The following LIN54 variants were observed in gnomAD, a reference collection of about 807,000 sequenced individuals.
LIN54 encodes the protein protein lin-54 homolog.
Under a neutral mutation model 78.7 loss-of-function variants are expected in LIN54, and 9 were observed. The ratio of observed to expected loss-of-function variants is 0.11; its 90% CI spans 0.07 to 0.20. The LOEUF is 0.20. Among genes scored for constraint, LIN54 ranks in the 10% least tolerant of loss-of-function variants. The pLI is 1.00. For missense variants in LIN54, 573 were observed against 889.9 expected, an observed-to-expected ratio of 0.64 and a Z score of 4.53; for synonymous variants, 269 against 318.4, an observed-to-expected ratio of 0.84 and a Z score of 1.65.
intron 1 of LIN54, among the ~76,000 whole-genome samples, chr4:82,990,519 G>A (rs1013617550): frequency 2.6e-5 from 4 of 151,184 alleles, no homozygotes; most frequent in African/African-American, 9.7e-5. Flanking sequence ...AGTCTCACTC[G>A]GTCGCCCAGG....
chr4:82,974,164 C>CCT (rs1725939284), intron 3 of LIN54, among the ~76,000 whole-genome samples: 1 of 151,128 alleles, frequency 6.6e-6, no homozygotes, highest in Admixed American at 6.6e-5. Flanking sequence ...GAGCCGAGAT[C>CCT]GCACCACTGC....
intron 4 of LIN54, among the ~76,000 whole-genome samples, chr4:82,948,175 T>C (rs1014431610): frequency 1.3e-5 from 2 of 152,124 alleles, no homozygotes; most frequent in African/African-American, 2.4e-5. Context: ...AAGACATAGA[T>C]AGTCCTTACT....
intron 9 of LIN54, 140 bp from the exon 10 acceptor site, chr4:82,936,521 TAA>T (rs1034721444): frequency 9.6e-6 from 5 of 522,558 alleles, no homozygotes; most frequent in African/African-American, 5.7e-5. Flanking sequence ...GCTACCCAGT[TAA>T]AGAGTTAACA....
chr4:82,993,618 GTTTC>G (rs1727935287), intron 1 of LIN54, among the ~76,000 whole-genome samples: 3 of 151,816 alleles, frequency 2.0e-5, no homozygotes, highest in South Asian at 2.1e-4. Flanking sequence ...TTTTTTGTTT[GTTTC>G]TTTGTTTGTT....
intron 4 of LIN54, among the ~76,000 whole-genome samples, chr4:82,953,763 A>C (rs1412005467): frequency 6.6e-6 from 1 of 152,202 alleles, no homozygotes; most frequent in African/African-American, 2.4e-5. Flanking sequence ...CAGCATGGGC[A>C]ACATGGCAAA....
intron 3 of LIN54, 146 bp downstream of exon 3, chr4:82,978,737 T>C: frequency 2.1e-6 from 1 of 475,558 alleles, no homozygotes; most frequent in Non-Finnish European, 3.6e-6. Context: ...GCATTTTGCT[T>C]GAAGCAAACA....
At chr4:82,975,985 G>A (rs1246313996) in intron 3 of LIN54, among the ~76,000 whole-genome samples, 2 of 152,178 alleles carry the variant, frequency 1.3e-5, no homozygotes, top group Non-Finnish European at 2.9e-5. Flanking sequence ...TAATCTAAGA[G>A]ATAAAATGGA....
intron 7 of LIN54, 122 bp from the exon 8 acceptor site, chr4:82,938,626 TCA>T: frequency 1.6e-6 from 1 of 624,332 alleles, no homozygotes; most frequent in Middle Eastern, 3.2e-4. Context: ...ATGGAGAATA[TCA>T]CACAAACACA....
chr4:83,001,662 GGT>G (rs1160253183), intron 1 of LIN54, among the ~76,000 whole-genome samples: 5 of 150,390 alleles, frequency 3.3e-5, no homozygotes, highest in Non-Finnish European at 7.4e-5. Flanking sequence ...TGGCAAACAT[GGT>G]GAAACCCCGT....
chr4:82,992,996 C>G (rs1057137380), intron 1 of LIN54, among the ~76,000 whole-genome samples: 2 of 149,872 alleles, frequency 1.3e-5, no homozygotes, highest in African/African-American at 4.9e-5. Flanking sequence ...CCACTGCACT[C>G]CAGCCTGGGT....
chr4:82,940,628 C>T lies in LIN54; in HGVS notation c.1169-666G>A, dbSNP rs779147733. 3.3e-5 allele frequency among the ~76,000 whole-genome samples: 5 copies of T among 152,212 alleles called. No individual in the cohort carries two copies. The South Asian group carries it at 8.3e-4, about 25-fold the overall frequency. ...GGCTGAACCCAATGTCTCGAACTCC[C>T]GACCTCAGGTGATCCACCCGCCTTG... On this transcript the variant is annotated intron_variant, in intron 5 of 12. Coordinates refer to ENST00000340417, the MANE Select transcript of LIN54 (RefSeq NM_194282.4).
chr4:82,991,431 T>C (rs946252429), intron 1 of LIN54, among the ~76,000 whole-genome samples: 1 of 152,090 alleles, frequency 6.6e-6, no homozygotes, highest in African/African-American at 2.4e-5. Flanking sequence ...AGCTTTTCAG[T>C]ATAGATGACT....
intron 4 of LIN54, among the ~76,000 whole-genome samples, chr4:82,959,470 A>G (rs2125170): frequency 1 from 151,773 of 152,240 alleles, 75,653 homozygotes; most frequent in Non-Finnish European, 1. Context: ...ACTCCAGCCT[A>G]GGTGACAAAG....
intron 1 of LIN54, among the ~76,000 whole-genome samples, chr4:82,997,843 A>T (rs1017042497): frequency 6.6e-6 from 1 of 151,546 alleles, no homozygotes; most frequent in Non-Finnish European, 1.5e-5. Flanking sequence ...AATACAAAAA[A>T]ATTAGCCGGG....
In LIN54 at chr4:82,939,747, G is replaced by A. The variant is rs1279357394; in HGVS notation, c.1243-11C>T. 2.5e-6 allele frequency: 4 copies of A among 1,613,854 alleles called. No homozygotes were observed. The Admixed American group carries it at 6.7e-5, about 27-fold the overall frequency. On this transcript the variant is annotated splice_polypyrimidine_tract_variant and intron_variant, in intron 6 of 12. Coordinates refer to ENST00000340417, the MANE Select transcript of LIN54 (RefSeq NM_194282.4). The stretch of plus-strand genomic sequence containing the variant: ...TGGTTTTGGAACAACCTAAAAAGAA[G>A]GGACATATATCAATGACCACAAAAT...
rs1395436336 is a variant in LIN54 at position 82,978,820 on chromosome 4, C to G, written c.808+63G>C. ...ACTAAAACATTTTAAGTTGGCAGAACAGCCTTTTTAAATCTAAAAGGAAGA... is the reference window on the plus strand; with the variant it reads ...ACTAAAACATTTTAAGTTGGCAGAAGAGCCTTTTTAAATCTAAAAGGAAGA... On this transcript the variant is annotated intron_variant, in intron 3 of 12. Coordinates refer to ENST00000340417, the MANE Select transcript of LIN54 (RefSeq NM_194282.4). The G allele has an allele frequency of 2.9e-6, 3 of 1,038,368 alleles. No homozygotes were observed. In the South Asian group the frequency reaches 5.9e-5, roughly 20 times the overall value. The allele number at this position is 1,038,368 out of a possible 1,614,324, so 64.3% of individuals were successfully genotyped here.
intron 2 of LIN54, among the ~76,000 whole-genome samples, 181 bp from the exon 3 acceptor site, chr4:82,979,187 T>G (rs990475043): frequency 2.0e-5 from 3 of 152,216 alleles, no homozygotes; most frequent in African/African-American, 7.2e-5. Context: ...TTAATATTAT[T>G]ATATCCTTAA....
chr4:82,956,989 T>C (rs1299401247), intron 4 of LIN54, among the ~76,000 whole-genome samples: 1 of 152,184 alleles, frequency 6.6e-6, no homozygotes, highest in African/African-American at 2.4e-5. Flanking sequence ...GATAAAAATT[T>C]GGGTAACACA....
At chr4:82,985,835 C>CCAGCCAGGGAACCCAAA (rs1727085160) in intron 1 of LIN54, among the ~76,000 whole-genome samples, 1 of 152,178 alleles carries the variant, frequency 6.6e-6, no homozygotes, top group Non-Finnish European at 1.5e-5. Flanking sequence ...GCCACCGTGC[C>CCAGCCAGGGAACCCAAA]TGGCCATCCT....
Sources: gnomAD v4.1 joint callset for allele counts (sites outside exome capture counted in the v4.1 genomes callset) on GRCh38, gnomAD v4.1.1 for gene constraint, MANE v1.5 for transcripts, NCBI Gene and HGNC (gene_info 2026-07-23, HGNC 2026-07-21) for gene names.